The following CCSER1 variants were observed in gnomAD, a reference collection of about 807,000 sequenced individuals.
CCSER1 encodes coiled-coil serine rich protein 1, also known as serine-rich coiled-coil domain-containing protein 1.
A neutral mutation model predicts 82.0 loss-of-function variants in CCSER1; 41 were observed. The observed-to-expected ratio is 0.50, with a 90% confidence interval of 0.39 to 0.65. The LOEUF (loss-of-function observed/expected upper bound fraction) is 0.65. Among genes scored for constraint, CCSER1 ranks in the 30% least tolerant of loss-of-function variants. The pLI is 0.00. For missense variants in CCSER1, 1,119 were observed against 1,064.2 expected (o/e 1.05, Z -0.72); for synonymous variants, 414 against 383.9 (o/e 1.08, Z -0.92).
At chr4:90,443,146 A>G (rs1578488568) in intron 4 of CCSER1, among the ~76,000 whole-genome samples, 1 of 152,162 alleles carries the variant, frequency 6.6e-6, no homozygotes, top group Non-Finnish European at 1.5e-5. Flanking sequence ...ACTTTTATGG[A>G]GAGAAGATTA....
At chr4:91,496,616 A>AATATATATTCAATATATATATATATT (rs1279142591) in intron 10 of CCSER1, among the ~76,000 whole-genome samples, 2 of 21,032 alleles carry the variant, frequency 9.5e-5, no homozygotes, top group African/African-American at 2.7e-4. Flanking sequence ...ATATATATAC[A>AATATATATTCAATATATATATATATT]CGAATATATA....
intron 1 of CCSER1, among the ~76,000 whole-genome samples, chr4:90,239,841 G>A (rs1251407303): frequency 6.6e-6 from 1 of 152,064 alleles, no homozygotes; most frequent in African/African-American, 2.4e-5. Flanking sequence ...ATCATAATCA[G>A]ATTGATTCAA....
At chr4:90,599,672 T>C (rs1783806820) in intron 5 of CCSER1, among the ~76,000 whole-genome samples, 1 of 152,092 alleles carries the variant, frequency 6.6e-6, no homozygotes, top group African/African-American at 2.4e-5. Flanking sequence ...CCATCCTGAG[T>C]TTCTGTGCTC....
intron 3 of CCSER1, among the ~76,000 whole-genome samples, chr4:90,387,350 T>A (rs932375894): frequency 6.6e-6 from 1 of 152,152 alleles, no homozygotes; most frequent in Admixed American, 6.5e-5. Flanking sequence ...TAAGGCTAGA[T>A]TAGAAGAAAG....
At chr4:90,206,650 C>T (rs1738891664) in intron 1 of CCSER1, among the ~76,000 whole-genome samples, 1 of 151,876 alleles carries the variant, frequency 6.6e-6, no homozygotes. Context: ...TGATGTGGTG[C>T]TGAGAAGAAT....
intron 10 of CCSER1, among the ~76,000 whole-genome samples, chr4:91,527,477 G>T (rs766856735): frequency 6.6e-6 from 1 of 152,122 alleles, no homozygotes; most frequent in Non-Finnish European, 1.5e-5. Context: ...ATCAATAAAG[G>T]CTATTGTGAT....
chr4:90,862,907 C>CTTTTTTTTTTT, intron 8 of CCSER1, among the ~76,000 whole-genome samples: 1 of 122,124 alleles, frequency 8.2e-6, no homozygotes, highest in Non-Finnish European at 1.7e-5. Context: ...TATTTTTTGT[C>CTTTTTTTTTTT]TTTTTTTTTT....
chr4:90,921,365 C>G (rs1210873901), intron 8 of CCSER1, among the ~76,000 whole-genome samples: 1 of 151,922 alleles, frequency 6.6e-6, no homozygotes, highest in African/African-American at 2.4e-5. Context: ...CTGAATATGG[C>G]ACACGTGCAT....
intron 3 of CCSER1, among the ~76,000 whole-genome samples, chr4:90,340,613 T>G (rs1561057915): frequency 6.6e-6 from 1 of 152,158 alleles, no homozygotes; most frequent in Non-Finnish European, 1.5e-5. Flanking sequence ...TATTGCATAA[T>G]TTGTAATTTT....
chr4:90,751,320 C>T (rs1748622196), intron 7 of CCSER1, among the ~76,000 whole-genome samples: 1 of 152,068 alleles, frequency 6.6e-6, no homozygotes, highest in African/African-American at 2.4e-5. Context: ...AGGTTATGTG[C>T]TACATAAATT....
chr4:90,950,680 G>A (rs1177893330), intron 9 of CCSER1, among the ~76,000 whole-genome samples: 1 of 151,936 alleles, frequency 6.6e-6, no homozygotes, highest in East Asian at 1.9e-4. Context: ...AAGCATATAT[G>A]GCCATTAAAA....
At chr4:91,018,906 C>G (rs34794165) in intron 9 of CCSER1, among the ~76,000 whole-genome samples, 15,385 of 152,016 alleles carry the variant, frequency 0.1, 922 homozygotes, top group East Asian at 0.18. Context: ...ACTGTACTTC[C>G]CCTATGACTT....
chr4:90,624,487 G>A (rs563004227), intron 5 of CCSER1, among the ~76,000 whole-genome samples: 1 of 152,082 alleles, frequency 6.6e-6, no homozygotes, highest in Non-Finnish European at 1.5e-5. Context: ...CAAGATATAT[G>A]TTTTCCCATT....
intron 5 of CCSER1, among the ~76,000 whole-genome samples, chr4:90,591,488 C>A (rs544243649): frequency 7.2e-5 from 11 of 152,250 alleles, no homozygotes; most frequent in African/African-American, 2.6e-4. Context: ...CAATGAGATA[C>A]CATCTCATGC....
At chr4:90,633,309 T>C (rs1472993212) in intron 6 of CCSER1, among the ~76,000 whole-genome samples, 1 of 152,050 alleles carries the variant, frequency 6.6e-6, no homozygotes, top group Non-Finnish European at 1.5e-5. Flanking sequence ...AGTAAATTTC[T>C]CCTCTTTAAA....
chr4:91,249,906 A>C (rs1361170627), intron 10 of CCSER1, among the ~76,000 whole-genome samples: 2 of 151,866 alleles, frequency 1.3e-5, no homozygotes, highest in Non-Finnish European at 2.9e-5. Flanking sequence ...CTTGACACAT[A>C]GTAAGTGTTC....
chr4:90,550,054 C>A (rs775677384), intron 5 of CCSER1, among the ~76,000 whole-genome samples: 1 of 151,804 alleles, frequency 6.6e-6, no homozygotes. Context: ...TGCATTAGAT[C>A]CTTTGTAAAT....
At chr4:90,966,643 C>A (rs187312654) in intron 9 of CCSER1, among the ~76,000 whole-genome samples, 1 of 151,980 alleles carries the variant, frequency 6.6e-6, no homozygotes, top group Admixed American at 6.6e-5. Context: ...CAATTGAATC[C>A]GTGGAAGGGA....
chr4:90,748,631 G>T (rs111590633), intron 7 of CCSER1, among the ~76,000 whole-genome samples: 21,035 of 145,662 alleles, frequency 0.14, 2,284 homozygotes, highest in African/African-American at 0.31. Context: ...CACAATGGTT[G>T]AACTAGTTTA....
Sources: allele counts gnomAD v4.1 joint callset (sites outside exome capture counted in the v4.1 genomes callset), GRCh38; gene constraint gnomAD v4.1.1; transcripts MANE v1.5; gene names NCBI Gene and HGNC (gene_info 2026-07-23, HGNC 2026-07-21).